The following CRPPA variants were observed in gnomAD, a reference collection of about 807,000 sequenced individuals.
CRPPA encodes CDP-L-ribitol pyrophosphorylase A, also known as D-ribitol-5-phosphate cytidylyltransferase.
Under a neutral mutation model 52.0 loss-of-function variants are expected in CRPPA, and 43 were observed. The ratio of observed to expected loss-of-function variants is 0.83; its 90% CI spans 0.65 to 1.07. CRPPA has a LOEUF of 1.07. Among genes scored for constraint, CRPPA ranks in the 50% least tolerant of loss-of-function variants. The pLI is 0.00. For synonymous variants in CRPPA, 250 were observed against 203.5 expected (o/e 1.23, Z -1.94); for missense variants, 629 against 551.7 (o/e 1.14, Z -1.40).
rs79430971 is a variant in CRPPA, at chr7:16,190,487, C to T, written c.1251+25579G>A. Among the ~76,000 whole-genome samples the T allele has an allele frequency of 2.8e-3, 420 of 152,218 alleles. 4 individuals carry two copies. The highest frequency in any genetic ancestry group is 0.018 in the East Asian group (92 of 5,180). On this transcript the variant is annotated intron_variant, in intron 9 of 9. Coordinates refer to ENST00000407010, the MANE Select transcript of CRPPA (RefSeq NM_001101426.4). ...TCAATAGATTTATTCCATTTGGCTT[C>T]GCTGTATAACTGAAAATAAAAAGTA...
At chr7:16,342,796 T>TA (rs1562643260) in intron 3 of CRPPA, among the ~76,000 whole-genome samples, 1 of 82,106 alleles carries the variant, frequency 1.2e-5, no homozygotes, top group Non-Finnish European at 2.8e-5. Flanking sequence ...TATATATATA[T>TA]ATCTATATAG....
chr7:16,157,874 T>C (rs907262192), intron 9 of CRPPA, among the ~76,000 whole-genome samples: 7 of 149,668 alleles, frequency 4.7e-5, no homozygotes, highest in African/African-American at 1.7e-4. Flanking sequence ...AGATATTTCT[T>C]TTTTTTTTTA....
chr7:16,264,502 T>C (rs1783900585), intron 6 of CRPPA, among the ~76,000 whole-genome samples: 1 of 152,222 alleles, frequency 6.6e-6, no homozygotes, highest in Non-Finnish European at 1.5e-5. Flanking sequence ...ATATTAGGAA[T>C]AAAGATGGAT....
intron 9 of CRPPA, among the ~76,000 whole-genome samples, chr7:16,102,430 T>C (rs1224481001): frequency 6.6e-6 from 1 of 152,080 alleles, no homozygotes; most frequent in African/African-American, 2.4e-5. Flanking sequence ...CCAAAAGCAA[T>C]GGCAACCAGA....
intron 3 of CRPPA, among the ~76,000 whole-genome samples, chr7:16,367,798 G>A (rs1456133955): frequency 1.4e-4 from 22 of 152,106 alleles, no homozygotes; most frequent in Admixed American, 1.4e-3. Context: ...GCGGGGAGGG[G>A]TTGTTTCAAT....
intron 5 of CRPPA, among the ~76,000 whole-genome samples, chr7:16,290,061 T>C (rs937241182): frequency 2.0e-5 from 3 of 151,964 alleles, no homozygotes; most frequent in Non-Finnish European, 4.4e-5. Flanking sequence ...GCAATCCCTT[T>C]TACAATAGCT....
At chr7:16,156,380 TA>T (rs1182938457) in intron 9 of CRPPA, among the ~76,000 whole-genome samples, 1 of 152,194 alleles carries the variant, frequency 6.6e-6, no homozygotes, top group Non-Finnish European at 1.5e-5. Context: ...GCCAAAGGGT[TA>T]ACGTCTTTTC....
chr7:16,208,214 G>C (rs916525816), intron 9 of CRPPA, among the ~76,000 whole-genome samples: 2 of 152,096 alleles, frequency 1.3e-5, no homozygotes, highest in African/African-American at 4.8e-5. Flanking sequence ...AATTCCTTTT[G>C]TTATGACATG....
intron 9 of CRPPA, among the ~76,000 whole-genome samples, chr7:16,146,240 T>C (rs1182767772): frequency 6.6e-6 from 1 of 151,680 alleles, no homozygotes; most frequent in African/African-American, 2.4e-5. Context: ...AAAAATATTA[T>C]ATGCAGCAAA....
chr7:16,228,056 T>C (rs1782696583), intron 8 of CRPPA, among the ~76,000 whole-genome samples: 1 of 151,866 alleles, frequency 6.6e-6, no homozygotes, highest in East Asian at 1.9e-4. Flanking sequence ...GCTATAAACA[T>C]GGGATTTATG....
At chr7:16,210,298 T>C (rs1782096909) in intron 9 of CRPPA, among the ~76,000 whole-genome samples, 2 of 152,144 alleles carry the variant, frequency 1.3e-5, no homozygotes. Flanking sequence ...ACTCCAGTGT[T>C]AGTGTGGTAG....
rs546787330 is a variant in CRPPA, at chr7:16,154,499, CAGAGA to C, written c.1251+61562_1251+61566del. 1.3e-3 allele frequency among the ~76,000 whole-genome samples: 197 copies of C among 152,190 alleles called. 1 individual carries two copies. Among genetic ancestry groups the C allele is most frequent in the African/African-American group, 4.4e-3 (184 of 41,520 alleles). ...TATGTTAAATGTGAGGAAATGCTTA[CAGAGA>C]AGAGTATATCATATATACTCCGAGT... On this transcript the variant is annotated intron_variant, in intron 9 of 9. Coordinates refer to ENST00000407010, the MANE Select transcript of CRPPA (RefSeq NM_001101426.4).
chr7:16,150,914 A>C (rs1583392192), intron 9 of CRPPA, among the ~76,000 whole-genome samples: 1 of 152,328 alleles, frequency 6.6e-6, no homozygotes, highest in African/African-American at 2.4e-5. Flanking sequence ...CCTCTCTGGC[A>C]AATGGCATTA....
chr7:16,097,485 A>C (rs1781958754), intron 9 of CRPPA, among the ~76,000 whole-genome samples: 1 of 152,192 alleles, frequency 6.6e-6, no homozygotes, highest in South Asian at 2.1e-4. Flanking sequence ...TTTAGGATGA[A>C]ATACACCATG....
intron 3 of CRPPA, among the ~76,000 whole-genome samples, chr7:16,327,922 G>A (rs1018427463): frequency 1.3e-5 from 2 of 152,060 alleles, no homozygotes; most frequent in African/African-American, 4.8e-5. Flanking sequence ...GCTACAAAAA[G>A]CTAGAACATA....
intron 8 of CRPPA, among the ~76,000 whole-genome samples, chr7:16,217,471 C>T (rs1432680417): frequency 2.9e-5 from 4 of 138,518 alleles, no homozygotes; most frequent in African/African-American, 1.1e-4. Flanking sequence ...GAGAAGAAGG[C>T]TTCAGACGAT....
intron 8 of CRPPA, among the ~76,000 whole-genome samples, chr7:16,225,354 CTG>C (rs1477028617): frequency 3.3e-5 from 5 of 151,928 alleles, no homozygotes; most frequent in Non-Finnish European, 5.9e-5. Context: ...TACTTTAACA[CTG>C]TTGTATTATG....
intron 9 of CRPPA, among the ~76,000 whole-genome samples, chr7:16,113,776 C>T (rs2128367763): frequency 6.6e-6 from 1 of 151,912 alleles, no homozygotes; most frequent in South Asian, 2.1e-4. Flanking sequence ...CTGCCTCCTT[C>T]AAATAAAATA....
chr7:16,096,014 T>C (rs534174576), intron 9 of CRPPA, among the ~76,000 whole-genome samples: 45 of 152,176 alleles, frequency 3.0e-4, no homozygotes, highest in Non-Finnish European at 5.4e-4. Context: ...GACGCCTTGG[T>C]GAACACCCAT....
Sources: gnomAD v4.1 joint callset for allele counts (sites outside exome capture counted in the v4.1 genomes callset) on GRCh38, gnomAD v4.1.1 for gene constraint, MANE v1.5 for transcripts, NCBI Gene and HGNC (gene_info 2026-07-23, HGNC 2026-07-21) for gene names.